NUP210: variants seen among roughly 807,000 people sequenced by gnomAD.
NUP210 encodes nucleoporin 210, also known as nuclear pore membrane glycoprotein 210.
NUP210 carries 151 observed loss-of-function variants against 196.0 expected under a neutral mutation model. That is an observed-to-expected ratio of 0.77 (90% CI 0.67 to 0.88). The LOEUF (loss-of-function observed/expected upper bound fraction) is 0.88, where lower values mean the gene tolerates loss of function less well. NUP210 is among the 40% of genes least tolerant of loss of function. The pLI is 0.00. For missense variants in NUP210, 2,314 were observed against 2,493.7 expected (o/e 0.93, Z 1.53); for synonymous variants, 1,070 against 1,052.7 (o/e 1.02, Z -0.32).
chr3:13,327,883 C>A (rs1014017017), intron 31 of NUP210, among the ~76,000 whole-genome samples: 1 of 152,210 alleles, frequency 6.6e-6, no homozygotes, highest in Non-Finnish European at 1.5e-5. Context: ...GTGACCGTGA[C>A]GCAGGCCTGG....
intron 11 of NUP210, among the ~76,000 whole-genome samples, chr3:13,374,140 ACACT>A (rs906890792): frequency 2.6e-5 from 4 of 151,976 alleles, no homozygotes; most frequent in African/African-American, 7.3e-5. Flanking sequence ...TCACCTGCTC[ACACT>A]CATTTACTCT....
chr3:13,388,576 C>A (rs1476617450), intron 4 of NUP210, 123 bp from the exon 5 acceptor site: 1 of 1,049,144 alleles, frequency 9.5e-7, no homozygotes, highest in African/African-American at 1.7e-5. Flanking sequence ...AAGGGGTGTC[C>A]CCCTAGTCAG....
intron 1 of NUP210, among the ~76,000 whole-genome samples, chr3:13,406,343 G>C (rs1006776069): frequency 1.3e-5 from 2 of 152,166 alleles, no homozygotes; most frequent in Admixed American, 1.3e-4. Context: ...GCCTCTCCCT[G>C]GTTGGCTGGG....
Position 13,360,310 on chromosome 3 carries a change from T to C in NUP210, c.2114A>G (p.Gln705Arg). Residue 705 changes from glutamine (Q) to arginine (R), a missense_variant, in exon 15 of 40, where the codon CAA becomes CGA. By Grantham distance (43) the Gln-to-Arg change is conservative. Coordinates refer to ENST00000254508, the MANE Select transcript of NUP210 (RefSeq NM_024923.4). ...FAPHSSRNYQ[Q>R]HWILVTCQAL... ...CTGACAGGTCACAAGGATCCAGTGT[T>C]GCTGATAATTCCGGGAGGAATGGGG... 6.8e-6 allele frequency: 11 copies of C among 1,614,214 alleles called. No homozygotes were observed. The highest frequency in any genetic ancestry group is 9.3e-6 in the Non-Finnish European group (11 of 1,180,042).
rs114140031 is a variant in NUP210 at position 13,319,214 on chromosome 3, C to T, written c.5479+16G>A. ...GGGCAGGGGAACAGACCCAGAGATACAGGCAGCCTCCTCACCTATGATCAT... is the reference window on the plus strand; with the variant it reads ...GGGCAGGGGAACAGACCCAGAGATATAGGCAGCCTCCTCACCTATGATCAT... On this transcript the variant is annotated intron_variant, in intron 38 of 39. Transcript: ENST00000254508. The T allele has an allele frequency of 4.2e-3, 6,744 of 1,612,156 alleles. 239 individuals are homozygous for T. In the African/African-American group the frequency reaches 0.079, roughly 19 times the overall value.
intron 39 of NUP210, among the ~76,000 whole-genome samples, chr3:13,318,473 G>A (rs745599163): frequency 6.6e-6 from 1 of 152,152 alleles, no homozygotes; most frequent in Non-Finnish European, 1.5e-5. Context: ...CAGCAGACAC[G>A]AGCTCGAGGA....
chr3:13,324,576 G>A (rs1473102098), intron 33 of NUP210, among the ~76,000 whole-genome samples: 4 of 152,146 alleles, frequency 2.6e-5, no homozygotes, highest in African/African-American at 9.7e-5. Context: ...ACTTCTGGAT[G>A]CTCATGGAGC....
intron 14 of NUP210, among the ~76,000 whole-genome samples, chr3:13,362,847 G>A (rs1277461093): frequency 6.6e-6 from 1 of 152,074 alleles, no homozygotes; most frequent in Non-Finnish European, 1.5e-5. Context: ...TGCCACTCAG[G>A]CCTCTGCCTG....
rs748675265 is a variant in NUP210 at position 13,373,873 on chromosome 3, C to T, written c.1432G>A (p.Ala478Thr). The T allele has an allele frequency of 1.2e-6, 2 of 1,612,694 alleles. No homozygotes were observed. Residue 478 changes from alanine (A) to threonine (T), a missense_variant and splice_region_variant, in exon 12 of 40, where the codon GCC becomes ACC. Ala to Thr is a moderately conservative substitution (Grantham distance 58, BLOSUM62 0). Transcript: ENST00000254508. The stretch of plus-strand genomic sequence containing the variant: ...CTGAAGTTCCCACTGCCACCGTGGG[C>T]CTGCGGAGGAAAAGCCATCACAGGA... ...KTGAYQYTIR[A>T]HGGSGNFSWS...
intron 21 of NUP210, among the ~76,000 whole-genome samples, chr3:13,342,802 A>G (rs1240405880): frequency 6.6e-6 from 1 of 152,214 alleles, no homozygotes; most frequent in East Asian, 1.9e-4. Flanking sequence ...TTTGCCACTG[A>G]CACCCCAGTG....
chr3:13,355,571 T>C (rs909216451), intron 16 of NUP210, among the ~76,000 whole-genome samples: 1 of 152,258 alleles, frequency 6.6e-6, no homozygotes, highest in African/African-American at 2.4e-5. Context: ...CCCGCCTGCC[T>C]GACCGATACA....
chr3:13,382,901 T>C (rs562406411), intron 6 of NUP210, among the ~76,000 whole-genome samples: 198 of 152,132 alleles, frequency 1.3e-3, no homozygotes, highest in Middle Eastern at 0.01. Flanking sequence ...TTCCAGCACT[T>C]TGGGAAGCTG....
At chr3:13,362,236 C>T (rs538452617) in intron 14 of NUP210, among the ~76,000 whole-genome samples, 5 of 152,294 alleles carry the variant, frequency 3.3e-5, no homozygotes, top group South Asian at 2.1e-4. Context: ...CACCCCTGCA[C>T]GCGGTGGAAG....
chr3:13,331,859 C>T (rs929618393), intron 29 of NUP210, among the ~76,000 whole-genome samples: 7 of 152,094 alleles, frequency 4.6e-5, no homozygotes, highest in Non-Finnish European at 1.5e-5. Flanking sequence ...CTGTGCGGCC[C>T]CCTCGCCTGG....
intron 3 of NUP210, among the ~76,000 whole-genome samples, chr3:13,394,149 G>A (rs1217313280): frequency 6.6e-6 from 1 of 152,164 alleles, no homozygotes; most frequent in Non-Finnish European, 1.5e-5. Context: ...TGGAGGAGGG[G>A]ACACCTGAGA....
intron 30 of NUP210, 68 bp downstream of exon 30, chr3:13,330,392 C>A: frequency 6.9e-7 from 1 of 1,451,830 alleles, no homozygotes; most frequent in Non-Finnish European, 9.5e-7. Context: ...CACTTTTACA[C>A]CTGAGAGGCA....
intron 11 of NUP210, among the ~76,000 whole-genome samples, chr3:13,375,142 C>CTCT (rs1553602256): frequency 2.9e-5 from 4 of 138,438 alleles, no homozygotes; most frequent in Admixed American, 7.3e-5. Context: ...TATTTTTTCT[C>CTCT]TTTTTTTTTT....
chr3:13,320,558 G>A (rs758589567), intron 36 of NUP210, among the ~76,000 whole-genome samples: 1 of 151,364 alleles, frequency 6.6e-6, no homozygotes, highest in East Asian at 1.9e-4. Context: ...GCATGAACCC[G>A]GGAGGTGGAG....
chr3:13,377,306 C>A, intron 9 of NUP210, 150 bp downstream of exon 9: 1 of 622,174 alleles, frequency 1.6e-6, no homozygotes, highest in South Asian at 1.7e-5. Flanking sequence ...AGCACTGTTT[C>A]CCACAGACCC....
Sources: allele counts gnomAD v4.1 joint callset (sites outside exome capture counted in the v4.1 genomes callset), GRCh38; gene constraint gnomAD v4.1.1; transcripts MANE v1.5; gene names NCBI Gene and HGNC (gene_info 2026-07-23, HGNC 2026-07-21).